The following ZFHX3 variants were observed in gnomAD, a reference collection of about 807,000 sequenced individuals.
ZFHX3 encodes the protein zinc finger homeobox 3, also known as zinc finger homeobox protein 3.
ZFHX3 carries 42 observed loss-of-function variants against 279.1 expected under a neutral mutation model. That is an observed-to-expected ratio of 0.15 (90% CI 0.12 to 0.19). ZFHX3 has a LOEUF of 0.19. ZFHX3 is among the 10% of genes least tolerant of loss of function. ZFHX3 has a pLI of 1.00. For missense variants in ZFHX3, 4,981 were observed against 4,754.0 expected (o/e 1.05, Z -1.40); for synonymous variants, 2,293 against 1,957.8 (o/e 1.17, Z -4.52).
At position 73,470,826 on chromosome 16, in the gene ZFHX3, G is replaced by A. The variant is rs149437158; in HGVS notation, c.-1546-14568C>T. Among the ~76,000 whole-genome samples the A allele has an allele frequency of 1.9e-3, 296 of 152,238 alleles. 6 individuals are homozygous for A. The East Asian group carries it at 0.042, about 21-fold the overall frequency. The stretch of plus-strand genomic sequence containing the variant: ...AGATTGTTTATCTATACCTCATCAC[G>A]GCTACCTGTTTCCTGGGGGATCCAG... On this transcript the variant is annotated intron_variant, in intron 2 of 17. Transcript: ENST00000641206.
At chr16:72,801,269 A>G (rs1193931915) in intron 7 of ZFHX3, among the ~76,000 whole-genome samples, 4 of 152,204 alleles carry the variant, frequency 2.6e-5, no homozygotes, top group African/African-American at 4.8e-5. Flanking sequence ...ACTTGGAGAC[A>G]TTATTTTTCC....
At chr16:73,880,737 A>C (rs2030118599) in intron 1 of ZFHX3, among the ~76,000 whole-genome samples, 1 of 152,168 alleles carries the variant, frequency 6.6e-6, no homozygotes, top group Non-Finnish European at 1.5e-5. Flanking sequence ...GCAGTAACTG[A>C]TCTACTGTAT....
chr16:73,045,464 G>T (rs1419063932), intron 1 of ZFHX3, among the ~76,000 whole-genome samples: 3 of 152,120 alleles, frequency 2.0e-5, no homozygotes, highest in African/African-American at 7.2e-5. Flanking sequence ...CCTCAAAGCA[G>T]CAAGAAGGCA....
intron 1 of ZFHX3, among the ~76,000 whole-genome samples, chr16:73,027,915 T>C (rs758144930): frequency 1.3e-5 from 2 of 152,212 alleles, no homozygotes; most frequent in African/African-American, 4.8e-5. Context: ...CTTGCACTCC[T>C]CATCGCTCAG....
In ZFHX3 at chr16:73,773,825, C is replaced by G. The variant is rs1034208658; in HGVS notation, c.-1607-93585G>C. On this transcript the variant is annotated intron_variant, in intron 1 of 17. Transcript: ENST00000641206. ...CAGTACCAGGGGACTCCAACATTCC[C>G]TGGTACAACACTTCTAAAAAGTTGA... Among the ~76,000 whole-genome samples the G allele has an allele frequency of 3.3e-5, 5 of 152,112 alleles. No individual in the cohort carries two copies. In the East Asian group the frequency reaches 9.6e-4, roughly 29 times the overall value.
intron 5 of ZFHX3, among the ~76,000 whole-genome samples, chr16:73,172,908 T>A (rs762646747): frequency 4.6e-5 from 7 of 150,976 alleles, no homozygotes; most frequent in Admixed American, 1.3e-4. Flanking sequence ...CTGCCTTGAT[T>A]TCTCATGGTG....
chr16:72,959,001 C>A lies in ZFHX3; in HGVS notation c.1145G>T (p.Gly382Val). Residue 382 changes from glycine to valine, a missense_variant, in exon 2 of 10, where the codon GGC becomes GTC. Gly to Val is a moderately radical substitution (Grantham distance 109). Around this residue, in one of 7 missense-constraint regions of ZFHX3, gnomAD observed 1,068 missense variants for 935.2 expected, o/e 1.14. Coordinates refer to ENST00000268489, the MANE Select transcript of ZFHX3 (RefSeq NM_006885.4). The stretch of plus-strand genomic sequence containing the variant: ...GGGCTGCTCGGGGCCAGCGGCGGAG[C>A]CCGCTGGGAGAGCTTCCTCCCCTTC... ...RMEGEEALPA[G>V]SAAGPEQPQA... 1.2e-6 allele frequency: 2 copies of A among 1,608,778 alleles called. No individual in the cohort carries two copies. The highest frequency in any genetic ancestry group is 8.5e-7 in the Non-Finnish European group (1 of 1,177,572).
rs1194591892 is a variant in ZFHX3 at position 73,634,458 on chromosome 16, ATAT to A, written c.-1547+45719_-1547+45721del. Among the ~76,000 whole-genome samples, 251 of 144,902 alleles carry A rather than the reference ATAT, an allele frequency of 1.7e-3. 6 individuals carry two copies. The East Asian group carries it at 0.042, about 24-fold the overall frequency. ...AATATATATATATATATATATATAT[ATAT>A]AAAATATATATGTAAAAGTCATAAC... is the stretch of plus-strand genomic sequence containing the variant. On this transcript the variant is annotated intron_variant, in intron 2 of 17. Transcript: ENST00000641206.
chr16:73,119,617 A>G (rs1264300088), intron 7 of ZFHX3, among the ~76,000 whole-genome samples: 1 of 152,208 alleles, frequency 6.6e-6, no homozygotes, highest in Non-Finnish European at 1.5e-5. Flanking sequence ...GCCAACAGGC[A>G]TCCTTACTGA....
At position 73,567,307 on chromosome 16, in the gene ZFHX3, G is replaced by T. The variant is rs192860581; in HGVS notation, c.-1546-111049C>A. ...ATAAGATCACATGCTAAGATTCTAG[G>T]TAGACATGAATTCTGGGGAAACACT... On this transcript the variant is annotated intron_variant, in intron 2 of 17. Transcript: ENST00000641206. Among the ~76,000 whole-genome samples the T allele has an allele frequency of 6.4e-4, 98 of 152,034 alleles. 2 individuals carry two copies. In the East Asian group the frequency reaches 0.015, roughly 23 times the overall value.
intron 2 of ZFHX3, among the ~76,000 whole-genome samples, chr16:73,615,497 T>A (rs780875669): frequency 5.3e-5 from 8 of 152,240 alleles, no homozygotes; most frequent in Non-Finnish European, 1.0e-4. Context: ...ATCTATAAAC[T>A]AGCAAAATCC....
chr16:73,824,153 C>A (rs768837242), intron 1 of ZFHX3, among the ~76,000 whole-genome samples: 30 of 152,084 alleles, frequency 2.0e-4, no homozygotes, highest in Non-Finnish European at 3.5e-4. Context: ...CTTACCAGAG[C>A]CTTTAATATC....
intron 4 of ZFHX3, among the ~76,000 whole-genome samples, chr16:72,888,559 G>GGGC (rs1286785527): frequency 6.6e-6 from 1 of 152,226 alleles, no homozygotes; most frequent in Non-Finnish European, 1.5e-5. Flanking sequence ...CAGGGACATG[G>GGGC]GGCAGGCTGA....
intron 7 of ZFHX3, among the ~76,000 whole-genome samples, chr16:73,117,142 G>A (rs1399532239): frequency 6.6e-6 from 1 of 152,206 alleles, no homozygotes; most frequent in African/African-American, 2.4e-5. Context: ...AACTCAATTT[G>A]ATGGATTGTT....
chr16:73,677,443 C>A (rs938742324), intron 2 of ZFHX3, among the ~76,000 whole-genome samples: 7 of 151,404 alleles, frequency 4.6e-5, no homozygotes, highest in Admixed American at 6.6e-5. Context: ...ACAACAACAA[C>A]AAAAAATGAA....
intron 3 of ZFHX3, among the ~76,000 whole-genome samples, chr16:73,339,489 C>G (rs2015987263): frequency 6.6e-6 from 1 of 152,196 alleles, no homozygotes; most frequent in African/African-American, 2.4e-5. Context: ...ACCTTATATT[C>G]TATCATCTAA....
intron 2 of ZFHX3, among the ~76,000 whole-genome samples, chr16:73,576,136 T>C (rs1366042343): frequency 6.6e-6 from 1 of 152,184 alleles, no homozygotes; most frequent in Non-Finnish European, 1.5e-5. Context: ...AAACACTTCA[T>C]GGCACTATTT....
intron 1 of ZFHX3, among the ~76,000 whole-genome samples, chr16:73,821,262 G>T (rs543126470): frequency 6.6e-6 from 1 of 152,326 alleles, no homozygotes; most frequent in Non-Finnish European, 1.5e-5. Context: ...ATCAGCTGTT[G>T]TTCTTCCCCA....
rs562756520 is a variant in ZFHX3, at chr16:73,283,997, A to T, written c.-1193-26861T>A. 2.0e-5 allele frequency among the ~76,000 whole-genome samples: 3 copies of T among 152,094 alleles called. 1 individual carries two copies. In the South Asian group the frequency reaches 6.2e-4, roughly 32 times the overall value. On this transcript the variant is annotated intron_variant, in intron 4 of 17. Coordinates refer to the ZFHX3 transcript ENST00000641206. Reference sequence around the variant, plus strand: ...AACAGTTTTTATTCACTGCAGAAACAAATGCGGATAGGCAAAGAGAAGAAA... The same window carrying T: ...AACAGTTTTTATTCACTGCAGAAACTAATGCGGATAGGCAAAGAGAAGAAA...
Sources: gnomAD v4.1 joint callset for allele counts (sites outside exome capture counted in the v4.1 genomes callset) on GRCh38, gnomAD v4.1.1 for gene constraint, gnomAD v4.1.1 regional missense constraint, MANE v1.5 for transcripts, NCBI Gene and HGNC (gene_info 2026-07-23, HGNC 2026-07-21) for gene names.